The following FOXP2 variants were observed in gnomAD, a reference collection of about 807,000 sequenced individuals.
The protein encoded by FOXP2 is forkhead box P2.
In FOXP2, 12 loss-of-function variants were observed where a neutral mutation model predicts 115.8. The ratio of observed to expected loss-of-function variants is 0.10; its 90% CI spans 0.07 to 0.17. FOXP2 has a LOEUF of 0.17. FOXP2 is among the 10% of genes least tolerant of loss of function. FOXP2 has a pLI of 1.00. For missense variants in FOXP2, 629 were observed against 843.5 expected (o/e 0.75, Z 3.15); for synonymous variants, 328 against 297.7 (o/e 1.10, Z -1.05).
In FOXP2 at chr7:114,631,545, G is replaced by A; in HGVS notation, c.615G>A (p.Gln205=). ...GATACCAGCAGCAGCAGCAGCAGCAGCAGCAACAGCAATTGGCAGCCCAGC... is the reference window on the plus strand; with the variant it reads ...GATACCAGCAGCAGCAGCAGCAGCAACAGCAACAGCAATTGGCAGCCCAGC... The part of the protein sequence containing the change: ...KQAKEQQQQQ[Q]QQQQLAAQQL... Residue 205 remains glutamine (Q), a synonymous_variant, in exon 6 of 17, where the codon CAG becomes CAA. Coordinates refer to ENST00000350908, the MANE Select transcript of FOXP2 (RefSeq NM_014491.4). 6.3e-7 allele frequency: 1 copy of A among 1,579,958 alleles called. No individual in the cohort carries two copies. Among genetic ancestry groups the A allele is most frequent in the Non-Finnish European group, 8.6e-7 (1 of 1,162,198 alleles).
At chr7:114,248,165 G>A (rs924710552) in intron 1 of FOXP2, among the ~76,000 whole-genome samples, 3 of 147,528 alleles carry the variant, frequency 2.0e-5, no homozygotes, top group Non-Finnish European at 4.5e-5. Flanking sequence ...GAAGACCAGT[G>A]TCCCAGCTTA....
chr7:114,213,156 T>A (rs1388955697), intron 1 of FOXP2, among the ~76,000 whole-genome samples: 1 of 152,198 alleles, frequency 6.6e-6, no homozygotes, highest in Admixed American at 6.5e-5. Context: ...TACTATAAAA[T>A]CTTATTTCAG....
At chr7:114,486,648 G>A (rs1020497047) in intron 2 of FOXP2, among the ~76,000 whole-genome samples, 1 of 152,168 alleles carries the variant, frequency 6.6e-6, no homozygotes, top group Non-Finnish European at 1.5e-5. Context: ...AAGCAAGTCA[G>A]TTACTTTCTT....
intron 2 of FOXP2, among the ~76,000 whole-genome samples, chr7:114,351,626 T>G (rs1791492916): frequency 6.6e-6 from 1 of 152,098 alleles, no homozygotes; most frequent in South Asian, 2.1e-4. Context: ...TTTTCTATAG[T>G]GTCACAATAT....
intron 2 of FOXP2, among the ~76,000 whole-genome samples, chr7:114,373,501 A>G (rs549199505): frequency 1.5e-4 from 23 of 152,308 alleles, no homozygotes; most frequent in Non-Finnish European, 3.1e-4. Flanking sequence ...TCTTTCTGTC[A>G]TTGCCTCCCT....
chr7:114,528,394 A>C (rs1798976040), intron 2 of FOXP2, among the ~76,000 whole-genome samples: 1 of 152,076 alleles, frequency 6.6e-6, no homozygotes, highest in Admixed American at 6.6e-5. Flanking sequence ...ATTCAACTGG[A>C]TCTTTCTTAT....
chr7:114,313,887 A>G (rs574094143), intron 2 of FOXP2, among the ~76,000 whole-genome samples: 9 of 152,310 alleles, frequency 5.9e-5, no homozygotes, highest in Admixed American at 2.6e-4. Flanking sequence ...TTATAATCCA[A>G]CATTTTATCT....
intron 1 of FOXP2, among the ~76,000 whole-genome samples, chr7:114,223,521 T>C (rs923954067): frequency 6.8e-6 from 1 of 147,642 alleles, no homozygotes; most frequent in East Asian, 1.9e-4. Flanking sequence ...ATATATATAA[T>C]ATGTATATAT....
At chr7:114,148,010 T>C (rs1369513740) in intron 1 of FOXP2, among the ~76,000 whole-genome samples, 1 of 152,206 alleles carries the variant, frequency 6.6e-6, no homozygotes, top group East Asian at 1.9e-4. Context: ...CCACACTGTG[T>C]TATTCTACAA....
In FOXP2 at chr7:114,463,836, A is replaced by T. The variant is rs188264972; in HGVS notation, c.168+37157A>T. ...CATGCCGTAAATATTATTTCAATAC[A>T]AGTGTCCTCATATTCAGAGTAAGAA... On this transcript the variant is annotated intron_variant, in intron 2 of 16. Coordinates refer to ENST00000350908, the MANE Select transcript of FOXP2 (RefSeq NM_014491.4). Among the ~76,000 whole-genome samples the T allele has an allele frequency of 1.4e-3, 218 of 152,292 alleles. 1 individual carries two copies. Among genetic ancestry groups the T allele is most frequent in the African/African-American group, 5.0e-3 (207 of 41,564 alleles).
chr7:114,183,285 T>G (rs191007658), intron 1 of FOXP2, among the ~76,000 whole-genome samples: 1 of 152,314 alleles, frequency 6.6e-6, no homozygotes, highest in African/African-American at 2.4e-5. Flanking sequence ...TCTTGTTCTT[T>G]AATAATTTGG....
intron 1 of FOXP2, among the ~76,000 whole-genome samples, chr7:114,184,148 C>T (rs866117484): frequency 6.6e-6 from 1 of 152,120 alleles, no homozygotes; most frequent in African/African-American, 2.4e-5. Flanking sequence ...TACTATTTTG[C>T]CATCTTTTAT....
intron 1 of FOXP2, among the ~76,000 whole-genome samples, chr7:114,275,602 T>A (rs765718318): frequency 8.5e-5 from 13 of 152,222 alleles, no homozygotes; most frequent in Non-Finnish European, 1.3e-4. Context: ...GTCTTCTTTA[T>A]CCATTAGAGC....
At chr7:114,439,974 C>T (rs1468061012) in intron 2 of FOXP2, among the ~76,000 whole-genome samples, 1 of 152,154 alleles carries the variant, frequency 6.6e-6, no homozygotes, top group Admixed American at 6.6e-5. Context: ...GATCCTCTCA[C>T]CTCCCAAATC....
chr7:114,229,838 CAGA>C (rs953440853), intron 1 of FOXP2, among the ~76,000 whole-genome samples: 6 of 150,800 alleles, frequency 4.0e-5, no homozygotes, highest in East Asian at 3.9e-4. Flanking sequence ...CGTAAGAAAC[CAGA>C]AGAAGAAGAA....
intron 1 of FOXP2, among the ~76,000 whole-genome samples, chr7:114,105,076 G>A (rs1791076053): frequency 6.6e-6 from 1 of 151,990 alleles, no homozygotes; most frequent in South Asian, 2.1e-4. Flanking sequence ...ATATAAAGGA[G>A]GGAATACTCT....
At chr7:114,257,786 G>A (rs2129170762) in intron 1 of FOXP2, among the ~76,000 whole-genome samples, 1 of 152,254 alleles carries the variant, frequency 6.6e-6, no homozygotes, top group Admixed American at 6.5e-5. Flanking sequence ...CATGAAGGAA[G>A]TGAGCAAACC....
chr7:114,178,349 A>C (rs1240893184), intron 1 of FOXP2, among the ~76,000 whole-genome samples: 1 of 151,878 alleles, frequency 6.6e-6, no homozygotes, highest in Non-Finnish European at 1.5e-5. Flanking sequence ...CCTATATTAC[A>C]TAGTGATTGC....
At chr7:114,505,939 A>G (rs1281248690) in intron 2 of FOXP2, among the ~76,000 whole-genome samples, 1 of 151,542 alleles carries the variant, frequency 6.6e-6, no homozygotes, top group Non-Finnish European at 1.5e-5. Context: ...TGTTTCTTGA[A>G]CATGTCTTTA....
Sources: gnomAD v4.1 joint callset for allele counts (sites outside exome capture counted in the v4.1 genomes callset) on GRCh38, gnomAD v4.1.1 for gene constraint, MANE v1.5 for transcripts, NCBI Gene and HGNC (gene_info 2026-07-23, HGNC 2026-07-21) for gene names.